The following ADAD1 variants were observed in gnomAD, a reference collection of about 807,000 sequenced individuals.
ADAD1 encodes adenosine deaminase domain containing 1.
Under a neutral mutation model 66.8 loss-of-function variants are expected in ADAD1, and 46 were observed. The observed-to-expected ratio is 0.69, with a 90% CI of 0.54 to 0.88. The LOEUF is 0.88. ADAD1 is among the 40% of genes least tolerant of loss of function. The pLI is 0.00. For synonymous variants in ADAD1, 248 were observed against 229.4 expected (o/e 1.08, Z -0.73); for missense variants, 617 against 681.8 (o/e 0.91, Z 1.06).
chr4:122,385,255 GT>G (rs879692952), intron 5 of ADAD1, among the ~76,000 whole-genome samples: 1 of 151,756 alleles, frequency 6.6e-6, no homozygotes, highest in African/African-American at 2.4e-5. Context: ...TTTGCACATG[GT>G]TTTTTTATGT....
intron 8 of ADAD1, among the ~76,000 whole-genome samples, chr4:122,410,994 A>G (rs1298074957): frequency 6.6e-6 from 1 of 152,100 alleles, no homozygotes; most frequent in Admixed American, 6.6e-5. Flanking sequence ...AGTAGTAGAG[A>G]AAGGATGGTG....
intron 10 of ADAD1, among the ~76,000 whole-genome samples, chr4:122,414,284 G>T (rs113186341): frequency 0.033 from 3,807 of 115,298 alleles, 303 homozygotes; most frequent in African/African-American, 0.11. Context: ...TTGGGGGGGG[G>T]GGTACAACTA....
At chr4:122,429,217 T>G (rs1797402594) in intron 12 of ADAD1, among the ~76,000 whole-genome samples, 1 of 151,548 alleles carries the variant, frequency 6.6e-6, no homozygotes, top group African/African-American at 2.4e-5. Flanking sequence ...GAGGACCACT[T>G]GAGGCCAGGA....
intron 7 of ADAD1, among the ~76,000 whole-genome samples, chr4:122,401,786 T>C (rs1795994261): frequency 6.6e-6 from 1 of 152,170 alleles, no homozygotes; most frequent in Non-Finnish European, 1.5e-5. Flanking sequence ...GCTTTAAAGT[T>C]TGTTTTATCT....
At position 122,422,787 on chromosome 4, in the gene ADAD1, T is replaced by C. The variant is rs1207373758; in HGVS notation, c.1617+1397T>C. The stretch of plus-strand genomic sequence containing the variant: ...AAAAACATTAAAAAGTGTGTATTCC[T>C]CACAAACTCTTATTATTAGCTGGAC... On this transcript the variant is annotated intron_variant, in intron 12 of 12. Transcript: ENST00000296513. Among the ~76,000 whole-genome samples the C allele has an allele frequency of 2.0e-5, 3 of 151,662 alleles. No homozygotes were observed. The East Asian group carries it at 5.8e-4, about 29-fold the overall frequency.
intron 4 of ADAD1, among the ~76,000 whole-genome samples, chr4:122,381,774 G>A (rs1056732407): frequency 6.6e-5 from 10 of 152,150 alleles, no homozygotes; most frequent in Non-Finnish European, 1.3e-4. Context: ...AAGATTTTAG[G>A]AAAGTGGAAG....
chr4:122,380,114 C>CT lies in ADAD1; in HGVS notation c.48dup (p.Ala17CysfsTer43), dbSNP rs1794813288. ...GGTTTCAGAGTTCGCAGGTCCCCAG[C>CT]TTTGCCCAGATGCTGAAAAAGAACC... On this transcript the variant is annotated frameshift_variant, in exon 3 of 13. Coordinates refer to ENST00000296513, the MANE Select transcript of ADAD1 (RefSeq NM_139243.4). LOFTEE classifies it high-confidence loss of function. 1 of 1,614,038 alleles carries CT rather than the reference C, an allele frequency of 6.2e-7. No individual in the cohort carries two copies. Among genetic ancestry groups the CT allele is most frequent in the African/African-American group, 1.3e-5 (1 of 74,932 alleles).
chr4:122,428,185 TG>T (rs1471567545), intron 12 of ADAD1, among the ~76,000 whole-genome samples: 1 of 152,040 alleles, frequency 6.6e-6, no homozygotes, highest in Non-Finnish European at 1.5e-5. Context: ...AAATAAAATA[TG>T]AGAAAATATT....
At chr4:122,409,330 T>C (rs1407296795) in intron 8 of ADAD1, among the ~76,000 whole-genome samples, 1 of 152,234 alleles carries the variant, frequency 6.6e-6, no homozygotes, top group Admixed American at 6.5e-5. Context: ...TTTTGTTTTG[T>C]TTTTAATTCT....
At position 122,412,581 on chromosome 4, in the gene ADAD1, C is replaced by T. The variant is rs746909373; in HGVS notation, c.1021C>T (p.Arg341Cys). The part of the protein sequence containing the change: ...KGSAQIKSQL[R>C]LNPHSISAFE... ...AGAAACTTTCTTTTCTTTCTCTAGA[C>T]GTCTTAATCCACATTCTATATCTGC... The change falls in exon 10 of 13, where the codon CGT (arginine) becomes TGT (cysteine). Residue 341 changes from arginine (R) to cysteine (C), a missense_variant and splice_region_variant. Physicochemically the swap from Arg to Cys is radical, Grantham distance 180. Coordinates refer to ENST00000296513, the MANE Select transcript of ADAD1 (RefSeq NM_139243.4). The T allele has an allele frequency of 6.8e-6, 11 of 1,612,164 alleles. No individual in the cohort carries two copies. The East Asian group carries it at 1.1e-4, about 16-fold the overall frequency.
chr4:122,383,320 C>T (rs911364157), intron 4 of ADAD1, among the ~76,000 whole-genome samples: 5 of 152,048 alleles, frequency 3.3e-5, no homozygotes, highest in Non-Finnish European at 7.4e-5. Context: ...AAAGAGATCT[C>T]TTATATTCTG....
At chr4:122,411,585 G>A (rs1796469611) in intron 9 of ADAD1, among the ~76,000 whole-genome samples, 193 bp downstream of exon 9, 1 of 152,012 alleles carries the variant, frequency 6.6e-6, no homozygotes, top group South Asian at 2.1e-4. Context: ...ACTTCTACAG[G>A]TTGAGCTTCC....
At chr4:122,392,281 A>G (rs180963172) in intron 5 of ADAD1, among the ~76,000 whole-genome samples, 1 of 152,336 alleles carries the variant, frequency 6.6e-6, no homozygotes, top group African/African-American at 2.4e-5. Flanking sequence ...TCACAACAGC[A>G]AAGACATCAA....
chr4:122,393,073 T>C lies in ADAD1; in HGVS notation c.530-516T>C, dbSNP rs1292129987. ...TTTTTTTGTCCCTCAGGTTTAGTGG[T>C]TTTTAAACTTTTTTCTGTACTCCCT... On this transcript the variant is annotated intron_variant, in intron 5 of 12. Transcript: ENST00000296513. 2.0e-5 allele frequency among the ~76,000 whole-genome samples: 3 copies of C among 149,932 alleles called. No individual in the cohort carries two copies. The East Asian group carries it at 5.8e-4, about 29-fold the overall frequency.
At chr4:122,427,424 C>T (rs1797294414) in intron 12 of ADAD1, among the ~76,000 whole-genome samples, 1 of 149,374 alleles carries the variant, frequency 6.7e-6, no homozygotes, top group Admixed American at 6.7e-5. Context: ...CACTTCTCTC[C>T]AAATTAATTT....
chr4:122,429,169 G>A (rs1797397805), intron 12 of ADAD1, among the ~76,000 whole-genome samples: 1 of 151,720 alleles, frequency 6.6e-6, no homozygotes, highest in Non-Finnish European at 1.5e-5. Context: ...CAGGTGTGGT[G>A]GCTCATGCCT....
At chr4:122,411,985 T>C (rs1248311268) in intron 9 of ADAD1, among the ~76,000 whole-genome samples, 1 of 152,142 alleles carries the variant, frequency 6.6e-6, no homozygotes, top group South Asian at 2.1e-4. Flanking sequence ...CAAAATATTA[T>C]TGCTTTGATG....
rs557951677 is a variant in ADAD1 at position 122,427,386 on chromosome 4, T to C, written c.1618-2240T>C. Among the ~76,000 whole-genome samples, 3 of 152,326 alleles carry C rather than the reference T, an allele frequency of 2.0e-5. No individual in the cohort carries two copies. The South Asian group carries it at 6.2e-4, about 32-fold the overall frequency. ...TAAATGGAGAGATGTACCATCATCA[T>C]GCATTGGAAAACAGTATTGTTAGGT... On this transcript the variant is annotated intron_variant, in intron 12 of 12. Coordinates refer to ENST00000296513, the MANE Select transcript of ADAD1 (RefSeq NM_139243.4).
At chr4:122,413,499 A>G (rs1431446550) in intron 10 of ADAD1, among the ~76,000 whole-genome samples, 2 of 152,232 alleles carry the variant, frequency 1.3e-5, no homozygotes, top group East Asian at 3.9e-4. Context: ...TTTTTACAAT[A>G]TATCTTGCAA....
Sources: allele counts gnomAD v4.1 joint callset (sites outside exome capture counted in the v4.1 genomes callset), GRCh38; gene constraint gnomAD v4.1.1; transcripts MANE v1.5; gene names NCBI Gene and HGNC (gene_info 2026-07-23, HGNC 2026-07-21).